The following AK9 variants were observed in gnomAD, a reference collection of about 807,000 sequenced individuals.
The protein encoded by AK9 is adenylate kinase domain containing 1.
Under a neutral mutation model 239.6 loss-of-function variants are expected in AK9, and 191 were observed. The ratio of observed to expected loss-of-function variants is 0.80; its 90% CI spans 0.71 to 0.90. The LOEUF (loss-of-function observed/expected upper bound fraction) is 0.90, where lower values mean the gene tolerates loss of function less well. AK9 is among the 40% of genes least tolerant of loss of function. AK9 has a pLI of 0.00. For missense variants in AK9, 1,995 were observed against 2,214.7 expected (o/e 0.90, Z 1.99); for synonymous variants, 689 against 721.0 (o/e 0.96, Z 0.71).
chr6:109,660,448 A>G (rs77177609), intron 6 of AK9, among the ~76,000 whole-genome samples: 430 of 152,236 alleles, frequency 2.8e-3, no homozygotes, highest in African/African-American at 9.9e-3. Context: ...ACACATTGAG[A>G]AACAAAGGAA....
At position 109,614,440 on chromosome 6, in the gene AK9, T is replaced by A; in HGVS notation, c.1440A>T (p.Lys480Asn). 1 of 1,551,364 alleles carries A rather than the reference T, an allele frequency of 6.4e-7. No homozygotes were observed. Among genetic ancestry groups the A allele is most frequent in the East Asian group, 2.4e-5 (1 of 40,898 alleles). Residue 480 changes from lysine to asparagine, a missense_variant, in exon 14 of 41, where the codon AAA (lysine) becomes AAT (asparagine). Lys to Asn is a moderately conservative substitution (Grantham distance 94). This residue lies in a region of AK9 where 1,290 missense variants were observed against 1,392.7 expected (regional missense o/e 0.93). Coordinates refer to ENST00000424296, the MANE Select transcript of AK9 (RefSeq NM_001145128.3). ...ALREFQRQYE[K>N]MEFGVFPMEA... ...CCATTGGGAATACTCCAAACTCCAT[T>A]TTTTCATATTGCCTTTGAAATTCTC...
In AK9 at chr6:109,573,512, G is replaced by A. The variant is rs760430939; in HGVS notation, c.2274C>T (p.His758=). 6 of 1,551,180 alleles carry A rather than the reference G, an allele frequency of 3.9e-6. No homozygotes were observed. Among genetic ancestry groups the A allele is most frequent in the Admixed American group, 2.0e-5 (1 of 50,962 alleles). The change falls in exon 21 of 41, where the codon CAC becomes CAT. Residue 758 remains histidine (H), a synonymous_variant. Coordinates refer to ENST00000424296, the MANE Select transcript of AK9 (RefSeq NM_001145128.3). The part of the protein sequence containing the change: ...LEVHEEPEAS[H]DTRGSWLPEE... ...CAGGTAACCATGACCCTCGGGTATCGTGAGATGCCTCAGGCTCTTCGTGAA... is the reference window on the plus strand; with the variant it reads ...CAGGTAACCATGACCCTCGGGTATCATGAGATGCCTCAGGCTCTTCGTGAA...
chr6:109,591,568 A>G (rs1434963874), intron 17 of AK9, among the ~76,000 whole-genome samples: 3 of 152,118 alleles, frequency 2.0e-5, no homozygotes, highest in Non-Finnish European at 4.4e-5. Flanking sequence ...GTTAATTATT[A>G]CCTACTTGCT....
intron 36 of AK9, among the ~76,000 whole-genome samples, chr6:109,498,279 A>ATT (rs1416973963): frequency 6.6e-6 from 1 of 152,186 alleles, no homozygotes; most frequent in East Asian, 1.9e-4. Flanking sequence ...CTGCTGTGTA[A>ATT]TTAACCGGTT....
intron 17 of AK9, among the ~76,000 whole-genome samples, chr6:109,587,048 T>C (rs761423958): frequency 6.6e-6 from 1 of 152,100 alleles, no homozygotes; most frequent in Non-Finnish European, 1.5e-5. Context: ...GCTGAGGCAA[T>C]CCTCCCCCTT....
chr6:109,628,786 G>C (rs1387665051), intron 12 of AK9, among the ~76,000 whole-genome samples: 8 of 152,008 alleles, frequency 5.3e-5, no homozygotes, highest in Non-Finnish European at 1.0e-4. Context: ...CTAGCTATCT[G>C]TTGTCTATTT....
intron 8 of AK9, among the ~76,000 whole-genome samples, chr6:109,652,829 T>G (rs547078890): frequency 6.6e-6 from 1 of 152,220 alleles, no homozygotes; most frequent in Non-Finnish European, 1.5e-5. Context: ...ATTCACCTCA[T>G]TGATATAAAT....
intron 17 of AK9, among the ~76,000 whole-genome samples, chr6:109,592,308 A>G (rs1790357575): frequency 6.6e-6 from 1 of 152,184 alleles, no homozygotes; most frequent in African/African-American, 2.4e-5. Context: ...CAGGGTAAAC[A>G]CTGCAGCTGC....
In AK9 at chr6:109,545,900, A is replaced by T; in HGVS notation, c.3192T>A (p.Asn1064Lys). The change falls in exon 26 of 41, where the codon AAT becomes AAA. Residue 1064 changes from asparagine to lysine, a missense_variant. By Grantham distance (94) the Asn-to-Lys change is moderately conservative. This residue lies in a region of AK9 where 1,290 missense variants were observed against 1,392.7 expected (regional missense o/e 0.93). Coordinates refer to ENST00000424296, the MANE Select transcript of AK9 (RefSeq NM_001145128.3). ...QELEELAIQA[N>K]VKVEEENTKK... is the part of the protein sequence containing the mutation. Reference sequence around the variant, plus strand: ...TTGTATTTTCTTCCTCAACTTTGACATTGGCCTGAATTGCAAGCTCTTCAA... The same window carrying T: ...TTGTATTTTCTTCCTCAACTTTGACTTTGGCCTGAATTGCAAGCTCTTCAA... The T allele has an allele frequency of 6.2e-7, 1 of 1,604,490 alleles. No homozygotes were observed. The highest frequency in any genetic ancestry group is 8.5e-7 in the Non-Finnish European group (1 of 1,177,854).
intron 12 of AK9, among the ~76,000 whole-genome samples, chr6:109,628,518 G>A (rs1313993699): frequency 1.3e-5 from 2 of 152,120 alleles, no homozygotes; most frequent in Admixed American, 6.6e-5. Flanking sequence ...CAGGGATCAC[G>A]TTAGGAGGGT....
intron 7 of AK9, 129 bp from the exon 8 acceptor site, chr6:109,657,013 ATTAAGGATTT>A: frequency 2.8e-6 from 3 of 1,071,380 alleles, no homozygotes; most frequent in Non-Finnish European, 4.0e-6. Context: ...ACGATTAAAG[ATTAAGGATTT>A]TTATTTAAGA....
At chr6:109,565,661 A>T (rs1786383010) in intron 21 of AK9, among the ~76,000 whole-genome samples, 1 of 152,200 alleles carries the variant, frequency 6.6e-6, no homozygotes, top group Non-Finnish European at 1.5e-5. Context: ...GACATGCTGC[A>T]CATACAGATC....
intron 17 of AK9, among the ~76,000 whole-genome samples, chr6:109,598,745 G>A (rs573954334): frequency 2.2e-4 from 34 of 152,258 alleles, no homozygotes; most frequent in African/African-American, 8.2e-4. Context: ...GTTGTTTCCT[G>A]ACTTTTTAAT....
At chr6:109,575,882 C>G (rs1331549744) in intron 20 of AK9, among the ~76,000 whole-genome samples, 1 of 152,142 alleles carries the variant, frequency 6.6e-6, no homozygotes, top group Non-Finnish European at 1.5e-5. Context: ...TTCATTGTGG[C>G]TTGCCAATTA....
At chr6:109,527,040 T>A (rs1780615513) in intron 29 of AK9, among the ~76,000 whole-genome samples, 1 of 152,136 alleles carries the variant, frequency 6.6e-6, no homozygotes, top group African/African-American at 2.4e-5. Flanking sequence ...CTCCCCGGGC[T>A]TCCTGTCCTG....
Position 109,662,597 on chromosome 6 carries a change from A to C in AK9, c.398T>G (p.Leu133Ter), listed in dbSNP as rs1800579197. The change falls in exon 6 of 41, where the codon TTA becomes TGA. Residue 133 changes from leucine (L) to a stop codon, truncating the protein, a stop_gained. Coordinates refer to ENST00000424296, the MANE Select transcript of AK9 (RefSeq NM_001145128.3). LOFTEE classifies it high-confidence loss of function. ...AGGTTTCAGGTTTAAGTTTTTAATT[A>C]ATTCTATTTGCTGTAAGGTAGTCAT... ...DAMTTLQQIELIKNLNLKPDV... is the reference protein window; with the variant it reads ...DAMTTLQQIE The C allele has an allele frequency of 7.5e-6, 12 of 1,590,062 alleles. No homozygotes were observed. Among genetic ancestry groups the C allele is most frequent in the Non-Finnish European group, 1.0e-5 (12 of 1,167,536 alleles).
At chr6:109,651,303 T>G (rs1798906177) in intron 8 of AK9, among the ~76,000 whole-genome samples, 2 of 150,480 alleles carry the variant, frequency 1.3e-5, no homozygotes, top group East Asian at 1.9e-4. Flanking sequence ...CTGAACAACC[T>G]GCTTCTGAAT....
chr6:109,605,347 G>T (rs1792698108), intron 17 of AK9, among the ~76,000 whole-genome samples: 1 of 152,150 alleles, frequency 6.6e-6, no homozygotes, highest in African/African-American at 2.4e-5. Context: ...GCAGCCTGAA[G>T]CCAAACTCAT....
At chr6:109,591,149 C>T (rs1790180723) in intron 17 of AK9, among the ~76,000 whole-genome samples, 2 of 151,902 alleles carry the variant, frequency 1.3e-5, no homozygotes, top group African/African-American at 4.8e-5. Flanking sequence ...GCATTGCTGT[C>T]TTTCTCTTTT....
Sources: gnomAD v4.1 joint callset for allele counts (sites outside exome capture counted in the v4.1 genomes callset) on GRCh38, gnomAD v4.1.1 for gene constraint, gnomAD v4.1.1 regional missense constraint, MANE v1.5 for transcripts, NCBI Gene and HGNC (gene_info 2026-07-23, HGNC 2026-07-21) for gene names.